Variants in GPHN observed in about 807,000 individuals in gnomAD.
GPHN encodes gephyrin.
Under a neutral mutation model 95.5 loss-of-function variants are expected in GPHN, and 17 were observed. The ratio of observed to expected loss-of-function variants is 0.18; its 90% confidence interval spans 0.12 to 0.27. GPHN has a LOEUF of 0.27. Among genes scored for constraint, GPHN ranks in the 10% least tolerant of loss-of-function variants. GPHN has a pLI of 1.00. For synonymous variants in GPHN, 320 were observed against 322.5 expected, an observed-to-expected ratio of 0.99 and a Z score of 0.08; for missense variants, 660 against 978.1, an observed-to-expected ratio of 0.67 and a Z score of 4.34.
intron 8 of GPHN, among the ~76,000 whole-genome samples, chr14:66,961,924 A>G (rs1197453278): frequency 2.6e-5 from 2 of 76,184 alleles, no homozygotes; most frequent in Non-Finnish European, 4.2e-5. Context: ...ATATATATAT[A>G]TATATATATA....
the GPHN span, among the ~76,000 whole-genome samples, chr14:67,428,159 C>A: frequency 6.6e-6 from 1 of 151,948 alleles, no homozygotes; most frequent in Non-Finnish European, 1.5e-5. Flanking sequence ...CCTCAAGCGA[C>A]CCACCCGCCT....
the GPHN span, among the ~76,000 whole-genome samples, chr14:67,660,571 G>A: frequency 2.0e-5 from 3 of 152,130 alleles, no homozygotes; most frequent in East Asian, 1.9e-4. Flanking sequence ...CTGGCATCAG[G>A]GTTCTTCCCT....
intron 1 of GPHN, among the ~76,000 whole-genome samples, chr14:66,644,966 G>A (rs1331985518): frequency 6.6e-6 from 1 of 151,996 alleles, no homozygotes; most frequent in Non-Finnish European, 1.5e-5. Flanking sequence ...TTGCCATACT[G>A]TTTCATGTTT....
chr14:66,778,996 G>A (rs925384948), intron 3 of GPHN, among the ~76,000 whole-genome samples: 1 of 151,484 alleles, frequency 6.6e-6, no homozygotes, highest in Non-Finnish European at 1.5e-5. Flanking sequence ...CATCTGCCTC[G>A]GCCTCCCAAA....
intron 1 of GPHN, among the ~76,000 whole-genome samples, chr14:66,570,295 C>CT (rs535461102): frequency 0.073 from 7,307 of 100,048 alleles, 460 homozygotes; most frequent in Non-Finnish European, 0.1. Flanking sequence ...ATTTCATGTA[C>CT]TTTTTTTTTT....
At chr14:67,383,298 T>C in the GPHN span, 8 of 1,611,602 alleles carry the variant, frequency 5.0e-6, no homozygotes, top group Non-Finnish European at 6.8e-6. Context: ...TTTGAAATTA[T>C]ACCTCTGCTT....
chr14:66,756,305 A>G (rs755273793), intron 2 of GPHN, among the ~76,000 whole-genome samples: 2 of 151,972 alleles, frequency 1.3e-5, no homozygotes, highest in African/African-American at 2.4e-5. Context: ...GCCCTAACAT[A>G]TTTTTTTAAA....
chr14:67,374,810 TC>T, the GPHN span, among the ~76,000 whole-genome samples: 1 of 152,214 alleles, frequency 6.6e-6, no homozygotes, highest in Admixed American at 6.5e-5. Context: ...TTCTATTTTG[TC>T]CAGGTTGGTC....
the GPHN span, chr14:67,616,102 G>A: frequency 1.4e-5 from 4 of 280,158 alleles, no homozygotes; most frequent in African/African-American, 9.0e-5. Context: ...GAATAAGTTC[G>A]AGTGCAGTTT....
intron 16 of GPHN, among the ~76,000 whole-genome samples, chr14:67,114,138 A>G (rs2078538701): frequency 6.6e-6 from 1 of 152,220 alleles, no homozygotes; most frequent in African/African-American, 2.4e-5. Context: ...AGATAGCTAA[A>G]TCAACATTCC....
rs1041232302 is a variant in GPHN, at chr14:66,776,445, T to A, written c.144-19T>A. On this transcript the variant is annotated intron_variant, in intron 2 of 22. Coordinates refer to ENST00000478722, the MANE Select transcript of GPHN (RefSeq NM_020806.5). ...ACACTATTGCTGGTTTTGAGAATAT[T>A]TTCTTCTCCTAATTTCAGGTTGGGT... The A allele has an allele frequency of 2.1e-6, 3 of 1,432,666 alleles. No homozygotes were observed. Among genetic ancestry groups the A allele is most frequent in the Admixed American group, 1.7e-5 (1 of 59,582 alleles). The allele number at this position is 1,432,666 out of a possible 1,614,324, so 88.7% of individuals were successfully genotyped here.
At chr14:66,949,993 G>GGAAAAAAA (rs2067997356) in intron 8 of GPHN, among the ~76,000 whole-genome samples, 1 of 57,814 alleles carries the variant, frequency 1.7e-5, no homozygotes, top group Admixed American at 1.9e-4. Flanking sequence ...TTTAGGACAG[G>GGAAAAAAA]AAAAAAAAAA....
the GPHN span, among the ~76,000 whole-genome samples, chr14:67,242,215 G>A: frequency 6.6e-6 from 1 of 152,154 alleles, no homozygotes; most frequent in Admixed American, 6.5e-5. Context: ...TCTGTTGATT[G>A]ACATACAGTA....
the GPHN span, chr14:67,208,174 G>T: frequency 6.2e-7 from 1 of 1,611,450 alleles, no homozygotes; most frequent in South Asian, 1.1e-5. Flanking sequence ...TCTGTTACCT[G>T]ATTTGCTGCT....
chr14:67,685,301 A>G, the GPHN span: 7 of 921,836 alleles, frequency 7.6e-6, no homozygotes, highest in Admixed American at 1.9e-4. Flanking sequence ...TGACCTTCAC[A>G]TATGGACTCT....
intron 10 of GPHN, among the ~76,000 whole-genome samples, chr14:67,048,905 A>G (rs1462373341): frequency 6.6e-6 from 1 of 152,196 alleles, no homozygotes; most frequent in East Asian, 1.9e-4. Flanking sequence ...TAGCTATCAG[A>G]ATATATTTGT....
At chr14:66,537,545 T>G (rs910749952) in intron 1 of GPHN, among the ~76,000 whole-genome samples, 1 of 152,178 alleles carries the variant, frequency 6.6e-6, no homozygotes, top group African/African-American at 2.4e-5. Context: ...TGCTATTTTT[T>G]TCATATTTTA....
chr14:67,530,733 C>T, the GPHN span, among the ~76,000 whole-genome samples: 6 of 152,112 alleles, frequency 3.9e-5, no homozygotes, highest in Admixed American at 6.5e-5. Flanking sequence ...GATTATTTGC[C>T]CTTGCATGAA....
the GPHN span, among the ~76,000 whole-genome samples, chr14:67,480,792 G>A: frequency 6.6e-6 from 1 of 152,190 alleles, no homozygotes; most frequent in African/African-American, 2.4e-5. Context: ...CCTTGAAGCT[G>A]ACTTTAAACC....
Sources: allele counts gnomAD v4.1 joint callset (sites outside exome capture counted in the v4.1 genomes callset), GRCh38; gene constraint gnomAD v4.1.1; transcripts MANE v1.5; gene names NCBI Gene and HGNC (gene_info 2026-07-23, HGNC 2026-07-21).